DSCAM: variants seen among roughly 807,000 people sequenced by gnomAD.
DSCAM encodes cell adhesion molecule DSCAM.
Under a neutral mutation model 217.7 loss-of-function variants are expected in DSCAM, and 47 were observed. The observed-to-expected ratio is 0.22, with a 90% CI of 0.17 to 0.28. DSCAM has a LOEUF of 0.28. Ranked by LOEUF, DSCAM falls within the 10% of genes least tolerant of loss-of-function variation. The pLI is 1.00. For missense variants in DSCAM, 2,080 were observed against 2,618.3 expected, an observed-to-expected ratio of 0.79 and a Z score of 4.49; for synonymous variants, 1,056 against 1,015.3, an observed-to-expected ratio of 1.04 and a Z score of -0.76.
intron 9 of DSCAM, among the ~76,000 whole-genome samples, chr21:40,303,851 G>C (rs1180495485): frequency 2.0e-5 from 3 of 152,128 alleles, no homozygotes; most frequent in Non-Finnish European, 4.4e-5. Context: ...ACCATTAAAA[G>C]CCAGAAACCA....
At chr21:40,277,160 A>G (rs1167117017) in intron 10 of DSCAM, among the ~76,000 whole-genome samples, 1 of 152,042 alleles carries the variant, frequency 6.6e-6, no homozygotes, top group Non-Finnish European at 1.5e-5. Flanking sequence ...TGGCCTGAGT[A>G]TCTGGGGACT....
chr21:40,772,063 G>C lies in DSCAM; in HGVS notation c.44-63292C>G, dbSNP rs531174893. Among the ~76,000 whole-genome samples, 7 of 151,184 alleles carry C rather than the reference G, an allele frequency of 4.6e-5. No homozygotes were observed. The South Asian group carries it at 1.5e-3, about 32-fold the overall frequency. ...AGTCAGGTGGACGGGAATTGACACAGAATTTTCATAATAAGGGCTGATAAA... is the reference window on the plus strand; with the variant it reads ...AGTCAGGTGGACGGGAATTGACACACAATTTTCATAATAAGGGCTGATAAA... On this transcript the variant is annotated intron_variant, in intron 1 of 32. Coordinates refer to ENST00000400454, the MANE Select transcript of DSCAM (RefSeq NM_001389.5).
At chr21:40,657,794 C>A (rs372988590) in intron 3 of DSCAM, among the ~76,000 whole-genome samples, 2 of 152,014 alleles carry the variant, frequency 1.3e-5, no homozygotes, top group East Asian at 1.9e-4. Context: ...AGGTTGGATA[C>A]CGATGAATAA....
chr21:40,593,829 G>A (rs183071531), intron 3 of DSCAM, among the ~76,000 whole-genome samples: 1 of 152,284 alleles, frequency 6.6e-6, no homozygotes, highest in East Asian at 1.9e-4. Context: ...CATTTCTGAT[G>A]TTCATCAGTA....
intron 1 of DSCAM, among the ~76,000 whole-genome samples, chr21:40,758,290 C>T (rs967734605): frequency 3.9e-5 from 6 of 152,154 alleles, no homozygotes; most frequent in Non-Finnish European, 7.3e-5. Flanking sequence ...TTTGTTACGG[C>T]TGTCCTAGGA....
At chr21:40,674,380 C>T (rs2090312177) in intron 3 of DSCAM, among the ~76,000 whole-genome samples, 1 of 152,150 alleles carries the variant, frequency 6.6e-6, no homozygotes, top group African/African-American at 2.4e-5. Context: ...GTGCCAATTG[C>T]TCATGTTTAA....
chr21:40,611,957 C>A (rs1339372889), intron 3 of DSCAM, among the ~76,000 whole-genome samples: 1 of 152,152 alleles, frequency 6.6e-6, no homozygotes, highest in Non-Finnish European at 1.5e-5. Context: ...AAGAGAGGAA[C>A]ATGAGGTGGG....
Position 40,125,463 on chromosome 21 carries a change from C to T in DSCAM, c.3563-1135G>A, listed in dbSNP as rs189566085. 1.4e-4 allele frequency among the ~76,000 whole-genome samples: 21 copies of T among 152,304 alleles called. 1 individual carries two copies. Among genetic ancestry groups the T allele is most frequent in the Non-Finnish European group, 1.8e-4 (12 of 68,024 alleles). ...AATTCAAACCAATAGAAGTCCCTTG[C>T]AAGCCCCTGGAGAAATCTGTGAGTC... is the stretch of plus-strand genomic sequence containing the variant. On this transcript the variant is annotated intron_variant, in intron 19 of 32. Transcript: ENST00000400454.
At chr21:40,175,790 C>CAT (rs1406425300) in intron 15 of DSCAM, among the ~76,000 whole-genome samples, 2 of 104,422 alleles carry the variant, frequency 1.9e-5, no homozygotes, top group African/African-American at 7.4e-5. Context: ...TACACACACA[C>CAT]ACACACACAC....
intron 1 of DSCAM, among the ~76,000 whole-genome samples, chr21:40,752,193 A>G (rs1051673925): frequency 6.6e-6 from 1 of 152,254 alleles, no homozygotes; most frequent in Non-Finnish European, 1.5e-5. Flanking sequence ...GAAGCTTTGT[A>G]TCCAGAAAGG....
chr21:40,083,116 A>T (rs1432293429), intron 24 of DSCAM, among the ~76,000 whole-genome samples: 2 of 152,162 alleles, frequency 1.3e-5, no homozygotes, highest in African/African-American at 2.4e-5. Flanking sequence ...TAGAACGACC[A>T]TGCTCACTCC....
chr21:40,397,602 C>A (rs939707948), intron 3 of DSCAM, among the ~76,000 whole-genome samples: 1 of 152,080 alleles, frequency 6.6e-6, no homozygotes, highest in African/African-American at 2.4e-5. Flanking sequence ...AATTCAAGAA[C>A]AGCCTAAAAC....
rs180769581 is a variant in DSCAM at position 40,314,214 on chromosome 21, C to T, written c.1784-1855G>A. ...TTATTTCGTATTATCACTATGACGG[C>T]TGTCTGCTTTCAAAAGCAGTTGGGA... On this transcript the variant is annotated intron_variant, in intron 8 of 32. Transcript: ENST00000400454. 1.5e-3 allele frequency among the ~76,000 whole-genome samples: 227 copies of T among 152,336 alleles called. 2 individuals carry two copies. Among genetic ancestry groups the T allele is most frequent in the African/African-American group, 5.3e-3 (219 of 41,580 alleles).
intron 20 of DSCAM, among the ~76,000 whole-genome samples, chr21:40,117,728 G>A (rs2837430): frequency 0.21 from 32,037 of 152,118 alleles, 3,748 homozygotes; most frequent in East Asian, 0.4. Context: ...TGGTGTGCGA[G>A]TACTTTCGTG....
intron 3 of DSCAM, among the ~76,000 whole-genome samples, chr21:40,563,388 G>GTAT: frequency 6.7e-6 from 1 of 149,628 alleles, no homozygotes; most frequent in East Asian, 2.0e-4. Flanking sequence ...TGATCTGGTG[G>GTAT]AACTCTGAGA....
intron 8 of DSCAM, among the ~76,000 whole-genome samples, chr21:40,323,533 A>G (rs560461495): frequency 6.6e-6 from 1 of 152,190 alleles, no homozygotes; most frequent in African/African-American, 2.4e-5. Flanking sequence ...ATAAAAAAAG[A>G]AGCAAGGGAA....
intron 9 of DSCAM, among the ~76,000 whole-genome samples, chr21:40,305,693 T>C (rs1332329248): frequency 6.7e-6 from 1 of 149,912 alleles, no homozygotes; most frequent in Non-Finnish European, 1.5e-5. Flanking sequence ...ATTTATTAAA[T>C]AGGGAATCCT....
rs59908038 is a variant in DSCAM at position 40,298,084 on chromosome 21, C to CTTTT, written c.2063-1914_2063-1911dup. On this transcript the variant is annotated intron_variant, in intron 9 of 32. Coordinates refer to ENST00000400454, the MANE Select transcript of DSCAM (RefSeq NM_001389.5). ...TAAATGCAGGTATGTTTAGCTTTTA[C>CTTTT]TTTTTTTTTTTTTTTTGAGATGGAG... Among the ~76,000 whole-genome samples the CTTTT allele has an allele frequency of 1.4e-3, 184 of 132,666 alleles. 1 individual carries two copies. The highest frequency in any genetic ancestry group is 4.3e-3 in the East Asian group (19 of 4,452). 87.0% of individuals were successfully genotyped at this position (132,666 alleles called of 152,430 possible). A position where few individuals can be genotyped will look rare whatever the true frequency, so the allele number is the denominator to read the frequency against.
intron 3 of DSCAM, among the ~76,000 whole-genome samples, chr21:40,543,474 C>T (rs992803985): frequency 2.6e-5 from 4 of 152,128 alleles, no homozygotes; most frequent in African/African-American, 7.2e-5. Context: ...CTATCACAAG[C>T]GACCCTCTAG....
Sources: gnomAD v4.1 joint callset for allele counts (sites outside exome capture counted in the v4.1 genomes callset) on GRCh38, gnomAD v4.1.1 for gene constraint, MANE v1.5 for transcripts, NCBI Gene and HGNC (gene_info 2026-07-23, HGNC 2026-07-21) for gene names.